SYT9: variants seen among roughly 807,000 people sequenced by gnomAD.
SYT9 encodes synaptotagmin 9.
A neutral mutation model predicts 48.4 loss-of-function variants in SYT9; 22 were observed. The ratio of observed to expected loss-of-function variants is 0.45; its 90% CI spans 0.32 to 0.65. The LOEUF is 0.65. SYT9 is among the 30% of genes least tolerant of loss of function. The pLI is 0.03. For missense variants in SYT9, 577 were observed against 622.0 expected (o/e 0.93, Z 0.77); for synonymous variants, 265 against 245.0 (o/e 1.08, Z -0.76).
Position 7,365,356 on chromosome 11 carries a change from G to T in SYT9, c.1045-50686G>T, listed in dbSNP as rs534292252. 3.3e-5 allele frequency among the ~76,000 whole-genome samples: 5 copies of T among 152,280 alleles called. 1 individual carries two copies. The highest frequency in any genetic ancestry group is 4.1e-4 in the South Asian group (2 of 4,832). ...GCAATTTTTTGGTATTTTCTCAGCC[G>T]AAAGGAAGAAAACCTTAAATTTCTT... On this transcript the variant is annotated intron_variant, in intron 3 of 6. Coordinates refer to ENST00000318881, the MANE Select transcript of SYT9 (RefSeq NM_175733.4).
At chr11:7,335,243 A>C (rs1326523504) in intron 3 of SYT9, among the ~76,000 whole-genome samples, 2 of 151,076 alleles carry the variant, frequency 1.3e-5, no homozygotes, top group Non-Finnish European at 3.0e-5. Flanking sequence ...GCATCATTTC[A>C]TGTGCTTATC....
At chr11:7,390,493 A>G (rs1196921567) in intron 3 of SYT9, among the ~76,000 whole-genome samples, 1 of 152,212 alleles carries the variant, frequency 6.6e-6, no homozygotes, top group Non-Finnish European at 1.5e-5. Flanking sequence ...AAATGAGAAC[A>G]TTTTAAACAT....
chr11:7,407,163 GT>G (rs1847031802), intron 3 of SYT9, among the ~76,000 whole-genome samples: 1 of 152,014 alleles, frequency 6.6e-6, no homozygotes, highest in Non-Finnish European at 1.5e-5. Context: ...TCCTCACTCT[GT>G]TGATTGTTTC....
At chr11:7,397,101 G>A (rs930848311) in intron 3 of SYT9, among the ~76,000 whole-genome samples, 2 of 151,972 alleles carry the variant, frequency 1.3e-5, no homozygotes, top group Non-Finnish European at 2.9e-5. Context: ...TTTCTCCTAT[G>A]TTTTCTTGTA....
intron 3 of SYT9, among the ~76,000 whole-genome samples, chr11:7,352,867 G>A (rs767618994): frequency 1.3e-5 from 2 of 152,292 alleles, no homozygotes; most frequent in Non-Finnish European, 2.9e-5. Context: ...GATCTTAAAA[G>A]TGGGGTGTGA....
upstream of SYT9, among the ~76,000 whole-genome samples, chr11:7,251,305 C>A: frequency 2.0e-4 from 1 of 4,960 alleles, no homozygotes; most frequent in Non-Finnish European, 0.013. Context: ...GCTTAGAAAA[C>A]TAAGGGACCC....
At chr11:7,328,132 T>A (rs367955653) in intron 3 of SYT9, among the ~76,000 whole-genome samples, 1 of 151,700 alleles carries the variant, frequency 6.6e-6, no homozygotes, top group East Asian at 1.9e-4. Context: ...AGTTTTGTCT[T>A]GTATATTTCT....
At chr11:7,347,946 C>T (rs1473218683) in intron 3 of SYT9, among the ~76,000 whole-genome samples, 2 of 152,160 alleles carry the variant, frequency 1.3e-5, no homozygotes, top group East Asian at 1.9e-4. Flanking sequence ...GAAGCAATTC[C>T]GTGAAACAGC....
intron 3 of SYT9, among the ~76,000 whole-genome samples, chr11:7,388,888 C>T (rs1850710104): frequency 6.6e-6 from 1 of 152,166 alleles, no homozygotes. Flanking sequence ...TTTTTCATGA[C>T]ATCAGCTTTG....
intron 3 of SYT9, among the ~76,000 whole-genome samples, chr11:7,322,341 C>T (rs763518957): frequency 2.0e-4 from 31 of 152,152 alleles, no homozygotes; most frequent in Non-Finnish European, 3.7e-4. Context: ...GGACAAGCAA[C>T]TCGAAAAACA....
rs1202800716 is a variant in SYT9 at position 7,391,856 on chromosome 11, C to T, written c.1045-24186C>T. Reference sequence around the variant, plus strand: ...ACTTGAGCCCAGGAGGTCGAGGCTGCAGTGAGCTATGATTATGCCATTGAA... The same window carrying T: ...ACTTGAGCCCAGGAGGTCGAGGCTGTAGTGAGCTATGATTATGCCATTGAA... On this transcript the variant is annotated intron_variant, in intron 3 of 6. Coordinates refer to ENST00000318881, the MANE Select transcript of SYT9 (RefSeq NM_175733.4). Among the ~76,000 whole-genome samples the T allele has an allele frequency of 2.0e-5, 3 of 150,754 alleles. No individual in the cohort carries two copies. The Admixed American group carries it at 2.0e-4, about 10-fold the overall frequency.
At chr11:7,426,369 A>G (rs1328416847) in intron 6 of SYT9, among the ~76,000 whole-genome samples, 1 of 152,070 alleles carries the variant, frequency 6.6e-6, no homozygotes, top group Non-Finnish European at 1.5e-5. Context: ...GTCCCTGTGG[A>G]TCCCTGAGGG....
intron 3 of SYT9, among the ~76,000 whole-genome samples, chr11:7,388,852 C>CTAG (rs1374995063): frequency 6.6e-6 from 1 of 152,134 alleles, no homozygotes; most frequent in Non-Finnish European, 1.5e-5. Flanking sequence ...GCCAGCCCTA[C>CTAG]TGTTAACTAA....
intron 1 of SYT9, among the ~76,000 whole-genome samples, chr11:7,268,414 T>A (rs1848231548): frequency 6.6e-6 from 1 of 151,936 alleles, no homozygotes; most frequent in Admixed American, 6.6e-5. Flanking sequence ...GAGGCTAGTA[T>A]CACACTAATA....
At chr11:7,246,253 C>A (rs1373003870) in intron 1 of SYT9, among the ~76,000 whole-genome samples, 1 of 152,170 alleles carries the variant, frequency 6.6e-6, no homozygotes, top group African/African-American at 2.4e-5. Context: ...TAGTCCCTTA[C>A]CCCCATGTGC....
intron 3 of SYT9, among the ~76,000 whole-genome samples, chr11:7,397,461 T>C (rs1169282200): frequency 9.2e-5 from 14 of 152,176 alleles, no homozygotes; most frequent in Admixed American, 9.2e-4. Flanking sequence ...TAGTGTTAAG[T>C]CTTCCCATTT....
intron 3 of SYT9, among the ~76,000 whole-genome samples, chr11:7,325,219 C>T (rs370436792): frequency 0.04 from 5,213 of 131,656 alleles, 107 homozygotes; most frequent in Non-Finnish European, 0.047. Flanking sequence ...GCCATTTTCA[C>T]GATATTGATT....
At chr11:7,317,143 G>A (rs769669944) in intron 3 of SYT9, among the ~76,000 whole-genome samples, 1 of 152,112 alleles carries the variant, frequency 6.6e-6, no homozygotes, top group Admixed American at 6.5e-5. Context: ...GTAAATTAGC[G>A]CATTTGTGTC....
intron 1 of SYT9, among the ~76,000 whole-genome samples, chr11:7,264,447 T>C (rs747843381): frequency 1.3e-5 from 2 of 151,588 alleles, no homozygotes; most frequent in Non-Finnish European, 2.9e-5. Context: ...AAGGAAAGAG[T>C]AGCAAAAGAG....
Sources: allele counts gnomAD v4.1 joint callset (sites outside exome capture counted in the v4.1 genomes callset), GRCh38; gene constraint gnomAD v4.1.1; transcripts MANE v1.5; gene names NCBI Gene and HGNC (gene_info 2026-07-23, HGNC 2026-07-21).